Variants in GRM8 observed in about 807,000 individuals in gnomAD.
The protein encoded by GRM8 is metabotropic glutamate receptor 8.
In GRM8, 47 loss-of-function variants were observed where a neutral mutation model predicts 87.2. The observed-to-expected ratio is 0.54, with a 90% confidence interval of 0.43 to 0.69. The LOEUF is 0.69. Ranked by LOEUF, GRM8 falls within the 30% of genes least tolerant of loss-of-function variation. GRM8 has a pLI of 0.00. For synonymous variants in GRM8, 396 were observed against 404.5 expected (o/e 0.98, Z 0.25); for missense variants, 1,019 against 1,139.2 (o/e 0.89, Z 1.52).
intron 3 of GRM8, among the ~76,000 whole-genome samples, chr7:127,068,003 A>G (rs576345768): frequency 6.6e-6 from 1 of 152,320 alleles, no homozygotes; most frequent in South Asian, 2.1e-4. Context: ...ATCCCTTTAG[A>G]CCAGTGAAAG....
At chr7:127,112,181 C>T (rs1488555750) in intron 2 of GRM8, 1 of 152,258 alleles carries the variant, frequency 6.6e-6, no homozygotes, top group African/African-American at 2.4e-5. Flanking sequence ...GATCCAACTA[C>T]ACTGGCTTCC....
At chr7:126,442,362 T>C (rs1331703720) in intron 10 of GRM8, among the ~76,000 whole-genome samples, 1 of 152,066 alleles carries the variant, frequency 6.6e-6, no homozygotes, top group Non-Finnish European at 1.5e-5. Flanking sequence ...ATTTATATAA[T>C]ACTCTCGTAT....
chr7:126,777,611 G>A (rs1169908250), intron 6 of GRM8, among the ~76,000 whole-genome samples: 1 of 152,058 alleles, frequency 6.6e-6, no homozygotes, highest in Non-Finnish European at 1.5e-5. Flanking sequence ...ATGCACTTGT[G>A]TTAATCTTTA....
intron 7 of GRM8, among the ~76,000 whole-genome samples, chr7:126,632,389 C>T (rs749149030): frequency 2.6e-5 from 4 of 152,070 alleles, no homozygotes; most frequent in Non-Finnish European, 4.4e-5. Context: ...ACAACAGATG[C>T]TTGTGAGGTT....
intron 7 of GRM8, among the ~76,000 whole-genome samples, chr7:126,704,341 C>T (rs1810257653): frequency 6.6e-6 from 1 of 152,076 alleles, no homozygotes; most frequent in Non-Finnish European, 1.5e-5. Flanking sequence ...CTCTTAATCC[C>T]ATCATTTTCA....
intron 6 of GRM8, among the ~76,000 whole-genome samples, chr7:126,780,777 T>C (rs552401901): frequency 1.3e-5 from 2 of 151,948 alleles, no homozygotes; most frequent in South Asian, 2.1e-4. Flanking sequence ...CGGGAGTCTA[T>C]CTGTCTTCTT....
intron 5 of GRM8, 56 bp downstream of exon 5, chr7:126,903,916 G>A: frequency 9.7e-7 from 1 of 1,034,204 alleles, no homozygotes; most frequent in Non-Finnish European, 1.5e-6. Flanking sequence ...CTCCAGTTTT[G>A]CCTTTGAGTT....
intron 6 of GRM8, among the ~76,000 whole-genome samples, chr7:126,892,530 C>T (rs1318986521): frequency 2.0e-5 from 3 of 152,066 alleles, no homozygotes; most frequent in Non-Finnish European, 4.4e-5. Flanking sequence ...TTAATCCAGT[C>T]TATCATTGTT....
At chr7:127,228,961 A>C (rs944441398) in intron 2 of GRM8, 1 of 152,214 alleles carries the variant, frequency 6.6e-6, no homozygotes, top group African/African-American at 2.4e-5. Context: ...AAACATCATA[A>C]CATTTTTTAA....
chr7:126,881,769 T>A (rs1273392895), intron 6 of GRM8, among the ~76,000 whole-genome samples: 1 of 152,220 alleles, frequency 6.6e-6, no homozygotes, highest in African/African-American at 2.4e-5. Flanking sequence ...AGAGTAATAC[T>A]CAGTTTGTAT....
intron 8 of GRM8, among the ~76,000 whole-genome samples, chr7:126,550,247 T>C (rs1364480371): frequency 6.6e-6 from 1 of 151,916 alleles, no homozygotes; most frequent in African/African-American, 2.4e-5. Flanking sequence ...CCCGAGCAAC[T>C]GGGACTACAG....
At chr7:127,229,079 G>C (rs1207996855) in intron 2 of GRM8, 1 of 152,140 alleles carries the variant, frequency 6.6e-6, no homozygotes, top group Admixed American at 6.5e-5. Context: ...GCATACCACT[G>C]ATCAGCAGAG....
chr7:127,120,767 A>G (rs535458536), intron 2 of GRM8, among the ~76,000 whole-genome samples: 1 of 152,322 alleles, frequency 6.6e-6, no homozygotes, highest in Non-Finnish European at 1.5e-5. Context: ...GATGCCTTGA[A>G]CATTATGTTC....
chr7:126,573,333 TG>T lies in GRM8; in HGVS notation c.1494+36028del, dbSNP rs1794839499. On this transcript the variant is annotated intron_variant, in intron 8 of 10. Coordinates refer to ENST00000339582, the MANE Select transcript of GRM8 (RefSeq NM_000845.3). ...CAAAACAAACAAACAAAAAATAAGT[TG>T]TATATGTGAGAAGAAATAGTAGAGC... Among the ~76,000 whole-genome samples, 8 of 152,292 alleles carry T rather than the reference TG, an allele frequency of 5.3e-5. No homozygotes were observed. In the South Asian group the frequency reaches 1.7e-3, roughly 32 times the overall value.
intron 6 of GRM8, among the ~76,000 whole-genome samples, chr7:126,796,761 A>G (rs1042598721): frequency 6.6e-6 from 1 of 152,100 alleles, no homozygotes; most frequent in Admixed American, 6.6e-5. Flanking sequence ...CCCTCCAAAA[A>G]GAAGAGCCCT....
chr7:127,170,509 G>A (rs1044206412), intron 2 of GRM8, among the ~76,000 whole-genome samples: 2 of 152,132 alleles, frequency 1.3e-5, no homozygotes, highest in African/African-American at 2.4e-5. Flanking sequence ...CACAGGAAAA[G>A]AAGTCATTAC....
chr7:126,641,572 T>C (rs1802390102), intron 7 of GRM8, among the ~76,000 whole-genome samples: 1 of 152,240 alleles, frequency 6.6e-6, no homozygotes, highest in South Asian at 2.1e-4. Context: ...TATTCACTGT[T>C]TTGTTCCAGC....
chr7:126,625,481 C>A (rs760012849), intron 7 of GRM8, among the ~76,000 whole-genome samples: 3 of 150,956 alleles, frequency 2.0e-5, no homozygotes, highest in Non-Finnish European at 4.4e-5. Flanking sequence ...ATTTCTAATT[C>A]TCTGAACCAA....
intron 6 of GRM8, among the ~76,000 whole-genome samples, chr7:126,821,289 C>A (rs2130167991): frequency 6.6e-6 from 1 of 152,282 alleles, no homozygotes; most frequent in Middle Eastern, 3.4e-3. Context: ...ATCCTTCAAG[C>A]ATTTAAATAT....
Sources: gnomAD v4.1 joint callset for allele counts (sites outside exome capture counted in the v4.1 genomes callset) on GRCh38, gnomAD v4.1.1 for gene constraint, MANE v1.5 for transcripts, NCBI Gene and HGNC (gene_info 2026-07-23, HGNC 2026-07-21) for gene names.